PI4KA: variants seen among roughly 807,000 people sequenced by gnomAD.
The protein encoded by PI4KA is phosphatidylinositol 4-kinase alpha.
In PI4KA, 122 loss-of-function variants were observed where a neutral mutation model predicts 271.4. That is an observed-to-expected ratio of 0.45 (90% CI 0.39 to 0.52). The LOEUF (loss-of-function observed/expected upper bound fraction) is 0.52. Ranked by LOEUF, PI4KA falls within the 20% of genes least tolerant of loss-of-function variation. PI4KA has a pLI of 0.00. For synonymous variants in PI4KA, 1,041 were observed against 1,078.8 expected, an observed-to-expected ratio of 0.96 and a Z score of 0.69; for missense variants, 1,969 against 2,769.1, an observed-to-expected ratio of 0.71 and a Z score of 6.48.
rs1055010771 is a variant in PI4KA, at chr22:20,858,659, C to G, written c.67G>C (p.Gly23Arg). ...TAGAAGCCCCGCGAGGCGCTGGAGCCGGAGCCGGAGCAGCCGCCGCCGCCT... is the reference window on the plus strand; with the variant it reads ...TAGAAGCCCCGCGAGGCGCTGGAGCGGGAGCCGGAGCAGCCGCCGCCGCCT... Reference protein sequence around the residue: ...GGGGGGCSGSGSSASRGFYFN... With the variant: ...GGGGGGCSGSRSSASRGFYFN... Residue 23 changes from glycine to arginine, a missense_variant, in exon 1 of 55, where the codon GGC becomes CGC. Gly to Arg is a moderately radical substitution (Grantham distance 125, BLOSUM62 -2). Transcript: ENST00000255882. 19 of 1,480,016 alleles carry G rather than the reference C, an allele frequency of 1.3e-5. No individual in the cohort carries two copies. The highest frequency in any genetic ancestry group is 1.6e-5 in the Non-Finnish European group (18 of 1,121,970). 91.7% of individuals were successfully genotyped at this position (1,480,016 alleles called of 1,614,324 possible).
At chr22:20,775,534 CTATCT>C (rs1419210285) in intron 19 of PI4KA, among the ~76,000 whole-genome samples, 1 of 152,234 alleles carries the variant, frequency 6.6e-6, no homozygotes, top group Non-Finnish European at 1.5e-5. Flanking sequence ...CTCTGCCACT[CTATCT>C]GGCCTCAGAT....
rs377658487 is a variant in PI4KA, at chr22:20,851,246, G to A, written c.156+7324C>T. Among the ~76,000 whole-genome samples, 16 of 152,066 alleles carry A rather than the reference G, an allele frequency of 1.1e-4. No individual in the cohort carries two copies. In the South Asian group the frequency reaches 2.9e-3, roughly 28 times the overall value. ...CCCTCTAATACCAGGGCCTAGCACA[G>A]TGCCTGCAACACAGCAAACCCCCAA... On this transcript the variant is annotated intron_variant, in intron 1 of 54. Coordinates refer to ENST00000255882, the MANE Select transcript of PI4KA (RefSeq NM_058004.4).
At chr22:20,818,348 T>G (rs1376074682) in intron 7 of PI4KA, 135 bp downstream of exon 7, 3 of 542,460 alleles carry the variant, frequency 5.5e-6, no homozygotes, top group Admixed American at 4.1e-5. Context: ...AAATAAATGC[T>G]TCCTAAAAGC....
intron 19 of PI4KA, among the ~76,000 whole-genome samples, chr22:20,776,549 G>A (rs1216647471): frequency 6.6e-6 from 1 of 152,146 alleles, no homozygotes; most frequent in Non-Finnish European, 1.5e-5. Context: ...AGTATTATAA[G>A]GGGAAGACCC....
intron 19 of PI4KA, among the ~76,000 whole-genome samples, chr22:20,766,482 G>T (rs551192736): frequency 6.6e-6 from 1 of 152,262 alleles, no homozygotes; most frequent in South Asian, 2.1e-4. Context: ...TGGCCAACAT[G>T]GTGAAACCCC....
intron 22 of PI4KA, chr22:20,764,565 C>T (rs878937606): frequency 4.5e-6 from 2 of 443,772 alleles, no homozygotes; most frequent in Admixed American, 4.2e-5. Flanking sequence ...ACTGCAACTG[C>T]TCAGAAGCCT....
At chr22:20,763,023 G>C (rs1010029322) in intron 22 of PI4KA, among the ~76,000 whole-genome samples, 4 of 99,966 alleles carry the variant, frequency 4.0e-5, no homozygotes, top group African/African-American at 4.7e-5. Context: ...TTTTTGGGGG[G>C]GGGGGGGGTT....
chr22:20,718,381 G>A (rs1365485084), intron 44 of PI4KA, among the ~76,000 whole-genome samples: 6 of 152,178 alleles, frequency 3.9e-5, no homozygotes, highest in African/African-American at 1.4e-4. Flanking sequence ...TGTGGAGAGG[G>A]CAGGGTGGCC....
intron 27 of PI4KA, among the ~76,000 whole-genome samples, chr22:20,750,443 T>G (rs988231795): frequency 6.6e-6 from 1 of 152,220 alleles, no homozygotes; most frequent in Non-Finnish European, 1.5e-5. Context: ...CTGCCCAGTC[T>G]ATTGTCTTTT....
chr22:20,796,415 C>T (rs1032912596), intron 17 of PI4KA, 101 bp from the exon 18 acceptor site: 5 of 1,033,240 alleles, frequency 4.8e-6, no homozygotes, highest in Non-Finnish European at 7.2e-6. Flanking sequence ...CCAGGCCCAG[C>T]CTGCCTTACC....
intron 32 of PI4KA, among the ~76,000 whole-genome samples, chr22:20,739,331 T>A (rs1601376179): frequency 2.3e-5 from 3 of 132,506 alleles, no homozygotes; most frequent in African/African-American, 5.7e-5. Flanking sequence ...AGAGCGAGAC[T>A]CCATCTCAAA....
intron 1 of PI4KA, among the ~76,000 whole-genome samples, chr22:20,852,362 A>G (rs1420144087): frequency 6.6e-6 from 1 of 152,140 alleles, no homozygotes; most frequent in African/African-American, 2.4e-5. Flanking sequence ...GAGGGCACTG[A>G]GGGAAGGCTA....
intron 19 of PI4KA, among the ~76,000 whole-genome samples, chr22:20,767,431 AAG>A (rs940765951): frequency 7.3e-5 from 11 of 151,570 alleles, no homozygotes; most frequent in African/African-American, 2.7e-4. Flanking sequence ...GCGACAGAGC[AAG>A]ACTCTGTCTC....
At position 20,727,395 on chromosome 22, in the gene PI4KA, G is replaced by A. The variant is rs138845425; in HGVS notation, c.4776C>T (p.Phe1592=). 1.3e-4 allele frequency: 208 copies of A among 1,599,944 alleles called. No individual in the cohort carries two copies. Among genetic ancestry groups the A allele is most frequent in the Non-Finnish European group, 1.7e-4 (204 of 1,173,208 alleles). The part of the protein sequence containing the change: ...AVSDVPEAIK[F]LVTWHTIDAD... ...CGTCGATGGTGTGCCAGGTGACCAG[G>A]AACTGCAGAGAAGGTGGGGAGATGC... The change falls in exon 41 of 55, where the codon TTC becomes TTT. Residue 1592 remains phenylalanine, a splice_region_variant and synonymous_variant. Coordinates refer to ENST00000255882, the MANE Select transcript of PI4KA (RefSeq NM_058004.4).
intron 9 of PI4KA, among the ~76,000 whole-genome samples, chr22:20,809,872 T>C (rs1243701549): frequency 3.3e-5 from 5 of 152,094 alleles, no homozygotes; most frequent in Admixed American, 6.6e-5. Flanking sequence ...ACATCTGCAA[T>C]AGCTCGTTGG....
chr22:20,779,867 C>T (rs1452274732), intron 19 of PI4KA: 1 of 1,614,086 alleles, frequency 6.2e-7, no homozygotes, highest in African/African-American at 1.3e-5. Flanking sequence ...ATTTTAAAGA[C>T]TTTGTTAATG....
intron 45 of PI4KA, among the ~76,000 whole-genome samples, chr22:20,714,975 C>T (rs1925793022): frequency 6.6e-6 from 1 of 152,222 alleles, no homozygotes; most frequent in Admixed American, 6.5e-5. Context: ...GAGCCCCATC[C>T]TCACGGATAC....
chr22:20,846,277 AAAAAAAGAAAAGAAG>A (rs1354054387), intron 1 of PI4KA, among the ~76,000 whole-genome samples: 25 of 151,454 alleles, frequency 1.7e-4, no homozygotes, highest in Non-Finnish European at 7.4e-5. Flanking sequence ...AAAAAAAAAA[AAAAAAAGAAAAGAAG>A]AAAAGAAAAT....
chr22:20,711,341 C>T lies in PI4KA; in HGVS notation c.5923G>A (p.Asp1975Asn), dbSNP rs748696075. 7 of 1,372,598 alleles carry T rather than the reference C, an allele frequency of 5.1e-6. 1 individual carries two copies. Among genetic ancestry groups the T allele is most frequent in the Non-Finnish European group, 7.0e-6 (7 of 998,260 alleles). 85.0% of individuals were successfully genotyped at this position (1,372,598 alleles called of 1,614,324 possible). A position where few individuals can be genotyped will look rare whatever the true frequency, so the allele number is the denominator to read the frequency against. Residue 1975 changes from aspartate to asparagine, a missense_variant and splice_region_variant, in exon 51 of 55, where the codon GAC becomes AAC. This residue lies in a region of PI4KA where 110 missense variants were observed against 349.8 expected (regional missense o/e 0.31). Transcript: ENST00000255882. ...LDKKGHIIHI[D>N]FGFMFESSPG... ...GAGGGTGGCGCTGTGGCTGGCTGAC[C>T]GATGTGGATGATATGACCCTTCTTG...
Sources: allele counts gnomAD v4.1 joint callset (sites outside exome capture counted in the v4.1 genomes callset), GRCh38; gene constraint gnomAD v4.1.1; regional missense constraint gnomAD v4.1.1; transcripts MANE v1.5; gene names NCBI Gene and HGNC (gene_info 2026-07-23, HGNC 2026-07-21).